The following TBL1X variants were observed in gnomAD, a reference collection of about 807,000 sequenced individuals.
The protein encoded by TBL1X is F-box-like/WD repeat-containing protein TBL1X.
A neutral mutation model predicts 50.7 loss-of-function variants in TBL1X; 10 were observed. The observed-to-expected ratio is 0.20, with a 90% CI of 0.12 to 0.33. TBL1X has a LOEUF of 0.33. Among genes scored for constraint, TBL1X ranks in the 10% least tolerant of loss-of-function variants. The pLI is 1.00. For missense variants in TBL1X, 340 were observed against 504.4 expected (o/e 0.67, Z 3.12); for synonymous variants, 190 against 214.7 (o/e 0.88, Z 1.01).
intron 13 of TBL1X, among the ~76,000 whole-genome samples, chrX:9,708,435 C>T (rs1038524884): frequency 2.7e-5 from 3 of 111,932 alleles, no homozygotes; most frequent in Non-Finnish European, 5.6e-5. Context: ...ATTTGGGTCG[C>T]CCATCTTCCA....
At chrX:9,674,677 TCAGCCCCCC>T (rs2082981220) in intron 5 of TBL1X, among the ~76,000 whole-genome samples, 1 of 1,905 alleles carries the variant, frequency 5.2e-4, no homozygotes, top group Non-Finnish European at 9.1e-4. Context: ...TCCTCCCGCC[TCAGCCCCCC>T]CCCCCCCCCC....
At chrX:9,639,347 A>T (rs997045515) in intron 2 of TBL1X, among the ~76,000 whole-genome samples, 1 of 111,591 alleles carries the variant, frequency 9.0e-6, no homozygotes, top group African/African-American at 3.3e-5. Context: ...ATCACTGAAG[A>T]CTATTAAATA....
intron 5 of TBL1X, among the ~76,000 whole-genome samples, chrX:9,664,779 A>G (rs2082917406): frequency 9.0e-6 from 1 of 111,477 alleles, no homozygotes; most frequent in African/African-American, 3.3e-5. Context: ...TTTTCAGCCC[A>G]TTCATTGAGA....
chrX:9,548,117 A>G (rs193083598), intron 2 of TBL1X, among the ~76,000 whole-genome samples: 2 of 109,677 alleles, frequency 1.8e-5, no homozygotes, highest in African/African-American at 6.6e-5. Context: ...GTGGGTGTAC[A>G]GACAATATAC....
At chrX:9,523,623 G>C (rs2082117170) in intron 2 of TBL1X, among the ~76,000 whole-genome samples, 1 of 112,542 alleles carries the variant, frequency 8.9e-6, no homozygotes, top group Non-Finnish European at 1.9e-5. Context: ...GCACAGTGTG[G>C]GGACAGAGAC....
At chrX:9,598,478 C>T (rs2082536963) in intron 2 of TBL1X, among the ~76,000 whole-genome samples, 2 of 111,567 alleles carry the variant, frequency 1.8e-5, no homozygotes, top group South Asian at 7.5e-4. Context: ...TCTGCCTGAT[C>T]CAAGCAGAGT....
chrX:9,485,407 A>T (rs143335636), intron 1 of TBL1X, among the ~76,000 whole-genome samples: 1 of 112,305 alleles, frequency 8.9e-6, no homozygotes, highest in African/African-American at 3.2e-5. Context: ...CGAACATGTC[A>T]GTCTTTTCTT....
chrX:9,477,274 G>A (rs1330108570), intron 1 of TBL1X, among the ~76,000 whole-genome samples: 1 of 112,168 alleles, frequency 8.9e-6, no homozygotes, highest in Non-Finnish European at 1.9e-5. Flanking sequence ...GGCTGGATTC[G>A]TAGTTTGCTA....
chrX:9,501,575 T>G (rs1344980950), intron 1 of TBL1X, among the ~76,000 whole-genome samples: 1 of 111,397 alleles, frequency 9.0e-6, no homozygotes, highest in Non-Finnish European at 1.9e-5. Flanking sequence ...ACTGCAGTGG[T>G]GGACTCTGGG....
At chrX:9,508,358 C>T (rs775850085) in intron 2 of TBL1X, among the ~76,000 whole-genome samples, 1 of 112,638 alleles carries the variant, frequency 8.9e-6, no homozygotes, top group Admixed American at 9.3e-5. Flanking sequence ...CACTGATCAT[C>T]AGAGAAATGC....
chrX:9,530,909 G>A (rs2082156590), intron 2 of TBL1X: 1 of 111,624 alleles, frequency 9.0e-6, no homozygotes, highest in Non-Finnish European at 1.9e-5. Context: ...TAAAAAAATG[G>A]ACCGAGCATC....
chrX:9,684,290 G>T, intron 6 of TBL1X, 102 bp downstream of exon 6: 1 of 1,086,653 alleles, frequency 9.2e-7, no homozygotes, highest in Non-Finnish European at 1.2e-6. Flanking sequence ...CAGGCATTTG[G>T]GATTAATTCC....
chrX:9,524,004 G>A (rs1186916370), intron 2 of TBL1X, among the ~76,000 whole-genome samples: 1 of 66,306 alleles, frequency 1.5e-5, no homozygotes, highest in Non-Finnish European at 2.5e-5. Flanking sequence ...GTCTCACTCT[G>A]TTGCCCAGGC....
intron 1 of TBL1X, among the ~76,000 whole-genome samples, chrX:9,477,695 A>C: frequency 8.9e-6 from 1 of 112,212 alleles, no homozygotes; most frequent in Non-Finnish European, 1.9e-5. Context: ...GACATGCCAC[A>C]AAAGTCACCT....
At chrX:9,484,070 A>G (rs746480440) in intron 1 of TBL1X, among the ~76,000 whole-genome samples, 3 of 111,972 alleles carry the variant, frequency 2.7e-5, no homozygotes, top group East Asian at 2.8e-4. Flanking sequence ...AGGTCTCACT[A>G]TGTTGCCCAG....
At chrX:9,493,694 G>A (rs1261206907) in intron 1 of TBL1X, among the ~76,000 whole-genome samples, 1 of 111,083 alleles carries the variant, frequency 9.0e-6, no homozygotes, top group East Asian at 2.8e-4. Context: ...CTGGGAAGTC[G>A]AGGCTGCAGT....
chrX:9,493,938 A>G (rs989896380), intron 1 of TBL1X, among the ~76,000 whole-genome samples: 6 of 111,691 alleles, frequency 5.4e-5, no homozygotes, highest in Admixed American at 4.8e-4. Flanking sequence ...TGGTCCCAGG[A>G]AAATATAGGA....
Position 9,688,199 on chromosome X carries a change from CG to C in TBL1X, c.542del (p.Gly181AlafsTer15). 8.3e-7 allele frequency: 1 copy of C among 1,198,418 alleles called. No homozygotes were observed. The highest frequency in any genetic ancestry group is 1.1e-6 in the Non-Finnish European group (1 of 888,706). ...AATAATTTSA[G>X]VSHQNPSKNR... ...CGACAGCAGCCACCACGACCTCAGC[CG>C]GCGTTTCCCACCAAAATCCATCGAA... On this transcript the variant is annotated frameshift_variant, in exon 7 of 18. Coordinates refer to ENST00000645353, the MANE Select transcript of TBL1X (RefSeq NM_005647.4). LOFTEE classifies it high-confidence loss of function.
upstream of TBL1X, chrX:9,463,301 T>C (rs1399220286): frequency 6.3e-5 from 7 of 110,898 alleles, no homozygotes; most frequent in East Asian, 2.0e-3. Context: ...TTCTATTGCA[T>C]GTAATACCTC....
Sources: allele counts gnomAD v4.1 joint callset (sites outside exome capture counted in the v4.1 genomes callset), GRCh38; gene constraint gnomAD v4.1.1; transcripts MANE v1.5; gene names NCBI Gene and HGNC (gene_info 2026-07-23, HGNC 2026-07-21).